LRRIQ1: variants seen among roughly 807,000 people sequenced by gnomAD.
LRRIQ1 encodes leucine rich repeats and IQ motif containing 1, also known as leucine-rich repeat- and IQ domain-containing protein 1.
In LRRIQ1, 210 loss-of-function variants were observed where a neutral mutation model predicts 211.9. The observed-to-expected ratio is 0.99, with a 90% CI of 0.89 to 1.11. LRRIQ1 has a LOEUF of 1.11. Among genes scored for constraint, LRRIQ1 ranks in the 50% most tolerant of loss-of-function variants. The pLI, the probability that LRRIQ1 is intolerant of heterozygous loss-of-function variation, is 0.00. For synonymous variants in LRRIQ1, 699 were observed against 650.1 expected, an observed-to-expected ratio of 1.08 and a Z score of -1.14; for missense variants, 2,136 against 1,939.5, an observed-to-expected ratio of 1.10 and a Z score of -1.90.
chr12:85,263,986 A>T (rs1393029397), exon 2 of LRRIQ1: 1 of 152,022 alleles, frequency 6.6e-6, no homozygotes, highest in Non-Finnish European at 1.5e-5. Context: ...AACTTTTTTC[A>T]TAAAGCTAAA....
intron 24 of LRRIQ1, among the ~76,000 whole-genome samples, chr12:85,170,898 A>G (rs534794912): frequency 7.9e-5 from 12 of 152,222 alleles, no homozygotes; most frequent in Non-Finnish European, 1.5e-4. Context: ...ATTTTTCACT[A>G]GCCTCTTACC....
At chr12:85,203,373 C>G (rs187440979) in intron 24 of LRRIQ1, among the ~76,000 whole-genome samples, 171 of 151,948 alleles carry the variant, frequency 1.1e-3, no homozygotes, top group African/African-American at 4.0e-3. Flanking sequence ...CAGTAAATTG[C>G]TATCAGTAGA....
At chr12:85,110,594 T>C (rs1001632754) in intron 15 of LRRIQ1, among the ~76,000 whole-genome samples, 2 of 152,170 alleles carry the variant, frequency 1.3e-5, no homozygotes, top group Non-Finnish European at 2.9e-5. Context: ...ATGATTATTG[T>C]AGGCAACATA....
chr12:85,242,164 TTATTA>T lies in LRRIQ1; in HGVS notation c.5017-2617_5017-2613del, dbSNP rs572532533. Among the ~76,000 whole-genome samples the T allele has an allele frequency of 1.4e-3, 207 of 152,116 alleles. 4 individuals are homozygous for T. The highest frequency in any genetic ancestry group is 4.1e-3 in the African/African-American group (171 of 41,570). ...ATTCTTATCTGACATTAACTTGAGATTATTATATTATAACCATAAAAAATATTGCA... is the reference window on the plus strand; with the variant it reads ...ATTCTTATCTGACATTAACTTGAGATTATTATAACCATAAAAAATATTGCA... On this transcript the variant is annotated intron_variant, in intron 26 of 26. Coordinates refer to ENST00000393217, the MANE Select transcript of LRRIQ1 (RefSeq NM_001079910.2).
Position 85,104,043 on chromosome 12 carries a change from G to A in LRRIQ1, c.3249G>A (p.Leu1083=). The A allele has an allele frequency of 6.4e-7, 1 of 1,565,488 alleles. No individual in the cohort carries two copies. The highest frequency in any genetic ancestry group is 8.7e-7 in the Non-Finnish European group (1 of 1,155,456). Reference sequence around the variant, plus strand: ...TACCACTTTTTCATTTTGTTTCATTGGAAAAGCTAGATGTCAGCCACAATT... The same window carrying A: ...TACCACTTTTTCATTTTGTTTCATTAGAAAAGCTAGATGTCAGCCACAATT... ...KIVPLFHFVS[L]EKLDVSHNCL... Residue 1083 remains leucine, a synonymous_variant, in exon 14 of 27, where the codon TTG becomes TTA. Transcript: ENST00000393217.
intron 24 of LRRIQ1, among the ~76,000 whole-genome samples, chr12:85,165,106 G>C (rs1202556502): frequency 6.6e-6 from 1 of 152,080 alleles, no homozygotes; most frequent in Non-Finnish European, 1.5e-5. Flanking sequence ...TATCAAGTCT[G>C]TGAGATTATT....
At chr12:85,161,250 C>A (rs1422034399) in intron 24 of LRRIQ1, among the ~76,000 whole-genome samples, 1 of 152,086 alleles carries the variant, frequency 6.6e-6, no homozygotes, top group Non-Finnish European at 1.5e-5. Context: ...AAAACATGAA[C>A]TTAAATTATT....
Position 85,090,803 on chromosome 12 carries a change from G to T in LRRIQ1, c.2888-7552G>T, listed in dbSNP as rs151172806. On this transcript the variant is annotated intron_variant, in intron 11 of 26. Transcript: ENST00000393217. ...TTCTGAAATGAGTTAAGACTTTAGG[G>T]GACTGTTGGGAAGGCATGATTATAT... 1.3e-3 allele frequency among the ~76,000 whole-genome samples: 199 copies of T among 152,258 alleles called. 1 individual carries two copies. Among genetic ancestry groups the T allele is most frequent in the African/African-American group, 4.6e-3 (191 of 41,558 alleles).
At chr12:85,081,416 T>C (rs1334141873) in intron 11 of LRRIQ1, among the ~76,000 whole-genome samples, 1 of 151,728 alleles carries the variant, frequency 6.6e-6, no homozygotes, top group Non-Finnish European at 1.5e-5. Flanking sequence ...CTATTTCTCC[T>C]TCCTCTCCTC....
chr12:85,229,650 G>A lies in LRRIQ1; in HGVS notation c.4955+1G>A, dbSNP rs766552861. The stretch of plus-strand genomic sequence containing the variant: ...CGACTAGTTCCAGAAATATGAAATG[G>A]TGAGGTCATTTCCTCTAAATTAGAT... On this transcript the variant is annotated splice_donor_variant, in intron 25 of 26. Coordinates refer to ENST00000393217, the MANE Select transcript of LRRIQ1 (RefSeq NM_001079910.2). LOFTEE classifies it high-confidence loss of function. 6.2e-6 allele frequency: 10 copies of A among 1,608,550 alleles called. No individual in the cohort carries two copies. Among genetic ancestry groups the A allele is most frequent in the South Asian group, 2.2e-5 (2 of 90,114 alleles).
chr12:85,048,540 C>T lies in LRRIQ1; in HGVS notation c.678+1070C>T, dbSNP rs969191385. On this transcript the variant is annotated intron_variant, in intron 6 of 26. Transcript: ENST00000393217. The stretch of plus-strand genomic sequence containing the variant: ...TGCCACTGCACTCCAGCCTGGGCGA[C>T]AGAGCAAGACTCCGTCTCAAAAAAA... The T allele has an allele frequency of 4.4e-4, 61 of 138,104 alleles. 2 individuals carry two copies. Among genetic ancestry groups the T allele is most frequent in the Admixed American group, 7.7e-5 (1 of 12,990 alleles). The allele number at this position is 138,104 out of a possible 1,614,324, so 8.6% of individuals were successfully genotyped here.
At chr12:85,128,224 T>C (rs1007240642) in intron 18 of LRRIQ1, among the ~76,000 whole-genome samples, 191 bp downstream of exon 18, 1 of 152,180 alleles carries the variant, frequency 6.6e-6, no homozygotes, top group African/African-American at 2.4e-5. Context: ...CTGCTTGATA[T>C]CTGGATTGAA....
intron 24 of LRRIQ1, among the ~76,000 whole-genome samples, chr12:85,181,025 G>A (rs1891955485): frequency 1.5e-5 from 2 of 135,628 alleles, no homozygotes; most frequent in Non-Finnish European, 3.2e-5. Flanking sequence ...TGATAAGCAG[G>A]TTTAATCCAC....
At chr12:85,245,901 T>TCA (rs927258607), downstream of LRRIQ1, among the ~76,000 whole-genome samples, 6 of 150,182 alleles carry the variant, frequency 4.0e-5, no homozygotes, top group African/African-American at 1.5e-4. Context: ...AGAGAGAGAC[T>TCA]CACACACACA....
At chr12:85,207,747 A>G (rs939853884) in intron 24 of LRRIQ1, among the ~76,000 whole-genome samples, 13 of 152,134 alleles carry the variant, frequency 8.5e-5, no homozygotes, top group African/African-American at 2.7e-4. Flanking sequence ...GTGGGGAGGC[A>G]TGTATCCAGT....
In LRRIQ1 at chr12:85,056,136, A is replaced by G. The variant is rs1335493841; in HGVS notation, c.1343A>G (p.Lys448Arg). The G allele has an allele frequency of 7.5e-6, 12 of 1,599,494 alleles. No homozygotes were observed. The highest frequency in any genetic ancestry group is 1.4e-5 in the African/African-American group (1 of 73,968). Residue 448 changes from lysine (K) to arginine (R), a missense_variant, in exon 8 of 27, where the codon AAA (lysine) becomes AGA (arginine). Lys to Arg is a conservative substitution (Grantham distance 26, BLOSUM62 2). Transcript: ENST00000393217. ...LLWLVEESNM[K>R]ENVDRQTILK... ...TGGCTAGTTGAGGAATCAAATATGA[A>G]AGAAAATGTAGATAGACAGACTATA...
intron 24 of LRRIQ1, among the ~76,000 whole-genome samples, chr12:85,197,008 G>T (rs1329990428): frequency 6.6e-6 from 1 of 150,862 alleles, no homozygotes; most frequent in South Asian, 2.1e-4. Flanking sequence ...CCATCAAAAA[G>T]TGGGCGAAGG....
chr12:85,204,999 G>A (rs1031276021), intron 24 of LRRIQ1, among the ~76,000 whole-genome samples: 57 of 152,088 alleles, frequency 3.7e-4, no homozygotes, highest in African/African-American at 1.3e-3. Context: ...ATAATTCCTA[G>A]GGAGGGCCTA....
chr12:85,173,689 CTCTTCT>C (rs989006182), intron 24 of LRRIQ1, among the ~76,000 whole-genome samples: 5 of 151,990 alleles, frequency 3.3e-5, no homozygotes, highest in African/African-American at 1.2e-4. Flanking sequence ...AGAGGTCTTT[CTCTTCT>C]TCTTCTTATA....
Sources: allele counts gnomAD v4.1 joint callset (sites outside exome capture counted in the v4.1 genomes callset), GRCh38; gene constraint gnomAD v4.1.1; transcripts MANE v1.5; gene names NCBI Gene and HGNC (gene_info 2026-07-23, HGNC 2026-07-21).